Variants in PBX3 observed in about 807,000 individuals in gnomAD.
The protein encoded by PBX3 is PBX homeobox 3, also known as pre-B-cell leukemia transcription factor 3.
Under a neutral mutation model 48.5 loss-of-function variants are expected in PBX3, and 14 were observed. The ratio of observed to expected loss-of-function variants is 0.29; its 90% CI spans 0.19 to 0.45. The LOEUF is 0.45. Ranked by LOEUF, PBX3 falls within the 20% of genes least tolerant of loss-of-function variation. PBX3 has a pLI of 1.00. For missense variants in PBX3, 386 were observed against 546.7 expected, an observed-to-expected ratio of 0.71 and a Z score of 2.93; for synonymous variants, 210 against 200.3, an observed-to-expected ratio of 1.05 and a Z score of -0.41.
rs903318152 is a variant in PBX3 at position 125,916,229 on chromosome 9, G to A, written c.516+302G>A. Among the ~76,000 whole-genome samples, 78 of 152,144 alleles carry A rather than the reference G, an allele frequency of 5.1e-4. 2 individuals are homozygous for A. The highest frequency in any genetic ancestry group is 2.5e-4 in the Non-Finnish European group (17 of 68,022). On this transcript the variant is annotated intron_variant, in intron 3 of 8. Coordinates refer to ENST00000373489, the MANE Select transcript of PBX3 (RefSeq NM_006195.6). ...CTTCCCTCTCACCTCACCACTTGGTGCTCTTCAAAGCTCTGTATAATTAAC... is the reference window on the plus strand; with the variant it reads ...CTTCCCTCTCACCTCACCACTTGGTACTCTTCAAAGCTCTGTATAATTAAC...
chr9:125,944,265 C>A (rs1842022353), intron 5 of PBX3, among the ~76,000 whole-genome samples: 1 of 152,212 alleles, frequency 6.6e-6, no homozygotes, highest in South Asian at 2.1e-4. Flanking sequence ...ATGTGGAGAA[C>A]ACATTTTTCT....
intron 6 of PBX3, among the ~76,000 whole-genome samples, chr9:125,961,277 A>G (rs1018750168): frequency 4.6e-5 from 7 of 152,228 alleles, no homozygotes; most frequent in African/African-American, 1.7e-4. Flanking sequence ...CTTTCTGCCC[A>G]GCACCGCTGT....
chr9:125,870,198 AG>A (rs1396812511), intron 2 of PBX3, among the ~76,000 whole-genome samples: 2 of 151,996 alleles, frequency 1.3e-5, no homozygotes, highest in Non-Finnish European at 2.9e-5. Flanking sequence ...CCTTCCAAGT[AG>A]CTGGGATTGC....
At chr9:125,880,688 T>C (rs1210466103) in intron 2 of PBX3, among the ~76,000 whole-genome samples, 1 of 152,222 alleles carries the variant, frequency 6.6e-6, no homozygotes, top group East Asian at 1.9e-4. Flanking sequence ...AAAAAATCTT[T>C]TGCTGTAATT....
chr9:125,861,308 A>G lies in PBX3; in HGVS notation c.275-54378A>G, dbSNP rs532546835. ...AGTGAGACCCTGTCTCCAAATAATA[A>G]TAATAATAATAATAATGATAAAAGA... On this transcript the variant is annotated intron_variant, in intron 2 of 8. Transcript: ENST00000373489. Among the ~76,000 whole-genome samples the G allele has an allele frequency of 3.9e-5, 6 of 152,164 alleles. No individual in the cohort carries two copies. The South Asian group carries it at 8.3e-4, about 21-fold the overall frequency.
intron 2 of PBX3, among the ~76,000 whole-genome samples, chr9:125,783,239 T>G (rs1837369341): frequency 6.6e-6 from 1 of 152,160 alleles, no homozygotes; most frequent in Non-Finnish European, 1.5e-5. Flanking sequence ...GTCTCGTTAT[T>G]ATACATTGAG....
chr9:125,811,802 A>G (rs916457563), intron 2 of PBX3, among the ~76,000 whole-genome samples: 1 of 151,896 alleles, frequency 6.6e-6, no homozygotes, highest in Admixed American at 6.6e-5. Flanking sequence ...CTTTTTTTAG[A>G]CATTTAGATG....
At chr9:125,805,547 A>G (rs548552297) in intron 2 of PBX3, among the ~76,000 whole-genome samples, 1 of 152,334 alleles carries the variant, frequency 6.6e-6, no homozygotes, top group East Asian at 1.9e-4. Context: ...CCAGTGAGAG[A>G]TGATGGTGGC....
At chr9:125,955,675 A>G (rs1352071252) in intron 5 of PBX3, among the ~76,000 whole-genome samples, 1 of 152,216 alleles carries the variant, frequency 6.6e-6, no homozygotes, top group East Asian at 1.9e-4. Context: ...GGTCCCGTTC[A>G]AGTTTGACCT....
At chr9:125,798,458 A>T (rs1367326250) in intron 2 of PBX3, among the ~76,000 whole-genome samples, 3 of 152,108 alleles carry the variant, frequency 2.0e-5, no homozygotes, top group East Asian at 3.9e-4. Context: ...CCTACTAAGG[A>T]TCCTTTTCTT....
At chr9:125,894,597 A>C (rs1401236597) in intron 2 of PBX3, among the ~76,000 whole-genome samples, 3 of 152,156 alleles carry the variant, frequency 2.0e-5, no homozygotes, top group Admixed American at 2.0e-4. Flanking sequence ...ACCTGAGTCA[A>C]TAAGTGGGTT....
intron 2 of PBX3, among the ~76,000 whole-genome samples, chr9:125,859,233 T>C (rs1213604409): frequency 1.3e-5 from 2 of 152,226 alleles, no homozygotes; most frequent in African/African-American, 4.8e-5. Flanking sequence ...TTTTAATTGA[T>C]TTTGCTAAAG....
chr9:125,755,240 G>C (rs1225543891), intron 2 of PBX3, among the ~76,000 whole-genome samples: 1 of 151,976 alleles, frequency 6.6e-6, no homozygotes, highest in Non-Finnish European at 1.5e-5. Flanking sequence ...AACTAATTGA[G>C]AATGTCAACA....
intron 3 of PBX3, among the ~76,000 whole-genome samples, chr9:125,926,855 A>T (rs1841590336): frequency 6.6e-6 from 1 of 152,146 alleles, no homozygotes; most frequent in African/African-American, 2.4e-5. Context: ...TAAATTGATA[A>T]TATAGTGGGG....
At chr9:125,913,928 C>T (rs1014506455) in intron 2 of PBX3, among the ~76,000 whole-genome samples, 9 of 152,152 alleles carry the variant, frequency 5.9e-5, no homozygotes, top group Admixed American at 6.5e-5. Context: ...AGAGATTGCT[C>T]AGTAAGCTCT....
intron 3 of PBX3, among the ~76,000 whole-genome samples, chr9:125,921,728 T>C (rs962496904): frequency 6.6e-6 from 1 of 152,178 alleles, no homozygotes; most frequent in African/African-American, 2.4e-5. Context: ...AATTTGTTGA[T>C]TTAATAAGCA....
chr9:125,845,142 G>A (rs962649340), intron 2 of PBX3, among the ~76,000 whole-genome samples: 7 of 151,900 alleles, frequency 4.6e-5, no homozygotes, highest in Admixed American at 6.6e-5. Context: ...CTATGTCTCC[G>A]TACCTAAATC....
At chr9:125,813,926 A>G (rs1041586671) in intron 2 of PBX3, among the ~76,000 whole-genome samples, 5 of 149,020 alleles carry the variant, frequency 3.4e-5, no homozygotes, top group Admixed American at 6.7e-5. Flanking sequence ...AAACTTTGGG[A>G]GGCCAAAATG....
In PBX3 at chr9:125,759,750, C is replaced by T. The variant is rs1357426292; in HGVS notation, c.274+11127C>T. On this transcript the variant is annotated intron_variant, in intron 2 of 8. Coordinates refer to ENST00000373489, the MANE Select transcript of PBX3 (RefSeq NM_006195.6). This position sits in a 1 kb window ranked among gnomAD's most constrained non-coding sequence, Gnocchi z 4.2. ...TTCACACATAAGTTATGCAAATGAG[C>T]TTTTATGGCAACTGGCATAACAATT... Among the ~76,000 whole-genome samples the T allele has an allele frequency of 6.6e-6, 1 of 152,190 alleles. No individual in the cohort carries two copies. Among genetic ancestry groups the T allele is most frequent in the Admixed American group, 6.5e-5 (1 of 15,282 alleles).
Sources: gnomAD v4.1 joint callset for allele counts (sites outside exome capture counted in the v4.1 genomes callset) on GRCh38, gnomAD v4.1.1 for gene constraint, Gnocchi (gnomAD v3.1) non-coding constraint, MANE v1.5 for transcripts, NCBI Gene and HGNC (gene_info 2026-07-23, HGNC 2026-07-21) for gene names.